GABRD: variants seen among roughly 807,000 people sequenced by gnomAD.
GABRD encodes the protein gamma-aminobutyric acid receptor subunit delta.
GABRD carries 25 observed loss-of-function variants against 47.3 expected under a neutral mutation model. That is an observed-to-expected ratio of 0.53 (90% CI 0.39 to 0.74). The LOEUF is 0.74. Ranked by LOEUF, GABRD falls within the 30% of genes least tolerant of loss-of-function variation. The probability of loss-of-function intolerance (pLI) is 0.00; values close to 1 mark genes in which losing one functional copy is unlikely to be tolerated. For missense variants in GABRD, 497 were observed against 643.4 expected (o/e 0.77, Z 2.46); for synonymous variants, 314 against 278.8 (o/e 1.13, Z -1.26).
chr1:2,026,371 G>A (rs756931490), intron 4 of GABRD, among the ~76,000 whole-genome samples: 23 of 152,264 alleles, frequency 1.5e-4, no homozygotes, highest in Admixed American at 4.6e-4. Context: ...GCCCACGGCA[G>A]GGGCGCGCCA....
chr1:2,027,162 C>T, intron 4 of GABRD: 1 of 328,190 alleles, frequency 3.0e-6, no homozygotes, highest in South Asian at 2.5e-5. Context: ...GACCCTGTCT[C>T]ATAAACAAAC....
At chr1:2,025,930 G>A (rs1201829478) in intron 4 of GABRD, 192 bp downstream of exon 4, 4 of 601,904 alleles carry the variant, frequency 6.6e-6, no homozygotes, top group Non-Finnish European at 1.2e-5. Flanking sequence ...CCGCTCCAAG[G>A]TCGCCGACAG....
chr1:2,029,560 C>T lies in GABRD; in HGVS notation c.857C>T (p.Thr286Met), dbSNP rs754466489. The change falls in exon 8 of 9, where the codon ACG becomes ATG. Residue 286 changes from threonine (T) to methionine (M), a missense_variant. Physicochemically the swap from Thr to Met is moderately conservative, Grantham distance 81. This residue lies in a region of GABRD where 285 missense variants were observed against 436.6 expected (regional missense o/e 0.65). Transcript: ENST00000378585. ...CACCTGTGCCCGGCAGGCATCACCACGGTGCTGACGATGACCACGCTCATG... is the reference window on the plus strand; with the variant it reads ...CACCTGTGCCCGGCAGGCATCACCATGGTGCTGACGATGACCACGCTCATG... ...VPARVSLGIT[T>M]VLTMTTLMVS... 1.9e-6 allele frequency: 3 copies of T among 1,612,748 alleles called. No homozygotes were observed. The highest frequency in any genetic ancestry group is 1.3e-5 in the African/African-American group (1 of 75,060).
chr1:2,027,363 G>T (rs1288992692), intron 4 of GABRD: 4 of 604,228 alleles, frequency 6.6e-6, no homozygotes, highest in Non-Finnish European at 1.2e-5. Flanking sequence ...TGAAGAGAAT[G>T]AATGAAATCC....
At chr1:2,026,321 C>T (rs1377210914) in intron 4 of GABRD, among the ~76,000 whole-genome samples, 5 of 152,242 alleles carry the variant, frequency 3.3e-5, no homozygotes, top group African/African-American at 1.2e-4. Flanking sequence ...CAGTGGAAGC[C>T]GGAGTCAGGG....
chr1:2,019,847 G>A (rs929731424), intron 1 of GABRD, among the ~76,000 whole-genome samples: 2 of 152,196 alleles, frequency 1.3e-5, no homozygotes, highest in South Asian at 2.1e-4. Flanking sequence ...GTCCCTGCCC[G>A]GCGGGTGCCT....
chr1:2,027,902 A>T (rs919458388), intron 5 of GABRD: 2 of 616,552 alleles, frequency 3.2e-6, no homozygotes, highest in Non-Finnish European at 5.7e-6. Flanking sequence ...ACGGATTGAT[A>T]TTGTTGAGCC....
rs1420010820 is a variant in GABRD, at chr1:2,025,674, G to A, written c.406G>A (p.Asp136Asn). The change falls in exon 4 of 9, where the codon GAC becomes AAC. Residue 136 changes from aspartate to asparagine, a missense_variant. Asp to Asn is a conservative substitution (Grantham distance 23, BLOSUM62 1). Around this residue, in one of 3 missense-constraint regions of GABRD, gnomAD observed 285 missense variants for 436.6 expected, o/e 0.65. Transcript: ENST00000378585. ...IVNAKSAWFH[D>N]VTVENKLIRL... The stretch of plus-strand genomic sequence containing the variant: ...GAACGCCAAGTCGGCCTGGTTCCAC[G>A]ACGTGACGGTGGAGAACAAGCTCAT... 1.2e-6 allele frequency: 2 copies of A among 1,612,998 alleles called. No homozygotes were observed. Among genetic ancestry groups the A allele is most frequent in the South Asian group, 1.1e-5 (1 of 91,072 alleles).
In GABRD at chr1:2,025,865, G is replaced by A. The variant is rs369516333; in HGVS notation, c.470+127G>A. 69 of 745,588 alleles carry A rather than the reference G, an allele frequency of 9.3e-5. 1 individual carries two copies. The highest frequency in any genetic ancestry group is 3.4e-4 in the Admixed American group (13 of 38,784). The allele number at this position is 745,588 out of a possible 1,614,324, so 46.2% of individuals were successfully genotyped here. A position where few individuals can be genotyped will look rare whatever the true frequency, so the allele number is the denominator to read the frequency against. ...GCCGGGAGCTGGCGGGCGGGCGGAG[G>A]GGGGGGCAGAAGCTGCGCGGTTATT... is the stretch of plus-strand genomic sequence containing the variant. On this transcript the variant is annotated intron_variant, in intron 4 of 8. Coordinates refer to ENST00000378585, the MANE Select transcript of GABRD (RefSeq NM_000815.5).
At chr1:2,027,495 G>A (rs1658957884) in intron 4 of GABRD, 82 bp from the exon 5 acceptor site, 1 of 1,089,366 alleles carries the variant, frequency 9.2e-7, no homozygotes. Flanking sequence ...GTGCTCAGGG[G>A]GCATCTCTGC....
Position 2,025,317 on chromosome 1 carries a change from C to T in GABRD, c.182-17C>T. 6.2e-7 allele frequency: 1 copy of T among 1,613,116 alleles called. No homozygotes were observed. Among genetic ancestry groups the T allele is most frequent in the Non-Finnish European group, 8.5e-7 (1 of 1,179,932 alleles). On this transcript the variant is annotated splice_polypyrimidine_tract_variant and intron_variant, in intron 2 of 8. Coordinates refer to ENST00000378585, the MANE Select transcript of GABRD (RefSeq NM_000815.5). ...GGGCCGGCCTCAGTCCTTCTTAGTT[C>T]TGCTCTTTCCTTGCAGGCCCCCCCG...
Position 2,025,396 on chromosome 1 carries a change from A to G in GABRD, c.244A>G (p.Asn82Asp), listed in dbSNP as rs770620492. The change falls in exon 3 of 9, where the codon AAC becomes GAC. Residue 82 changes from asparagine (N) to aspartate (D), a missense_variant. Asn to Asp is a conservative substitution (Grantham distance 23). Transcript: ENST00000378585. Reference protein sequence around the residue: ...VASIDHISEANMEYTMTVFLH... With the variant: ...VASIDHISEADMEYTMTVFLH... ...CAGCATCGACCACATCTCAGAGGCC[A>G]ACATGGTAGGTGCCACCAGCCTCTG... 17 of 1,612,824 alleles carry G rather than the reference A, an allele frequency of 1.1e-5. No homozygotes were observed. Among genetic ancestry groups the G allele is most frequent in the Non-Finnish European group, 1.4e-5 (16 of 1,179,986 alleles).
At chr1:2,025,883 C>T (rs563519166) in intron 4 of GABRD, 145 bp downstream of exon 4, 71 of 665,148 alleles carry the variant, frequency 1.1e-4, no homozygotes, top group African/African-American at 6.0e-4. Context: ...AGAAGCTGCG[C>T]GGTTATTTAT....
Position 2,030,616 on chromosome 1 carries a change from C to T in GABRD, c.*334C>T, listed in dbSNP as rs1330140528. 1 of 237,902 alleles carries T rather than the reference C, an allele frequency of 4.2e-6. No individual in the cohort carries two copies. Among genetic ancestry groups the T allele is most frequent in the African/African-American group, 2.3e-5 (1 of 44,388 alleles). The allele number at this position is 237,902 out of a possible 1,614,324, so 14.7% of individuals were successfully genotyped here. A position where few individuals can be genotyped will look rare whatever the true frequency, so the allele number is the denominator to read the frequency against. Reference sequence around the variant, plus strand: ...CAGAAAGTGATCCTGGTTTCTAGGTCTTTGCTCTGCAGGATCGGGATCAGA... The same window carrying T: ...CAGAAAGTGATCCTGGTTTCTAGGTTTTTGCTCTGCAGGATCGGGATCAGA... On this transcript the variant is annotated 3_prime_UTR_variant, in exon 9 of 9. Coordinates refer to ENST00000378585, the MANE Select transcript of GABRD (RefSeq NM_000815.5).
rs1659007335 is a variant in GABRD, at chr1:2,028,952, T to G, written c.692-159T>G. 1.2e-5 allele frequency: 11 copies of G among 896,746 alleles called. No homozygotes were observed. Among genetic ancestry groups the G allele is most frequent in the Non-Finnish European group, 1.8e-5 (11 of 602,592 alleles). The allele number at this position is 896,746 out of a possible 1,614,324, so 55.5% of individuals were successfully genotyped here. A position where few individuals can be genotyped will look rare whatever the true frequency, so the allele number is the denominator to read the frequency against. ...GCCAGACCTAGGGCCGGAGGCCCCC[T>G]GACATTTCAGGCCATGTGGTTGGTG... On this transcript the variant is annotated intron_variant, in intron 6 of 8. Coordinates refer to ENST00000378585, the MANE Select transcript of GABRD (RefSeq NM_000815.5). This position sits in a 1 kb window ranked among gnomAD's most constrained non-coding sequence, Gnocchi z 6.4.
chr1:2,023,349 G>A (rs1658832710), intron 1 of GABRD, among the ~76,000 whole-genome samples: 1 of 151,948 alleles, frequency 6.6e-6, no homozygotes. Flanking sequence ...TGGGGCTGGT[G>A]GCCCGGCCTC....
chr1:2,025,939 A>G (rs1052788255), intron 4 of GABRD: 3 of 598,720 alleles, frequency 5.0e-6, no homozygotes, highest in South Asian at 4.0e-5. Context: ...GGTCGCCGAC[A>G]GGAAGCCGGC....
At chr1:2,027,526 G>A (rs776563999) in intron 4 of GABRD, 51 bp from the exon 5 acceptor site, 35 of 1,498,222 alleles carry the variant, frequency 2.3e-5, no homozygotes, top group South Asian at 1.4e-4. Context: ...CCAGGCTTTC[G>A]GGAGGGCTGG....
rs1044475740 is a variant in GABRD, at chr1:2,028,400, G to A, written c.691+108G>A. On this transcript the variant is annotated intron_variant, in intron 6 of 8. Coordinates refer to ENST00000378585, the MANE Select transcript of GABRD (RefSeq NM_000815.5). This position sits in a 1 kb window ranked among gnomAD's most constrained non-coding sequence, Gnocchi z 6.4. Reference sequence around the variant, plus strand: ...GCCCCTTCCGCGTGCGCCCGCCTGTGGTTTTCATGCTTTTTAGTCAAGCGC... The same window carrying A: ...GCCCCTTCCGCGTGCGCCCGCCTGTAGTTTTCATGCTTTTTAGTCAAGCGC... The A allele has an allele frequency of 2.5e-6, 3 of 1,223,862 alleles. No homozygotes were observed. The highest frequency in any genetic ancestry group is 3.1e-6 in the Non-Finnish European group (3 of 955,498). 75.8% of individuals were successfully genotyped at this position (1,223,862 alleles called of 1,614,324 possible).
Sources: allele counts gnomAD v4.1 joint callset (sites outside exome capture counted in the v4.1 genomes callset), GRCh38; gene constraint gnomAD v4.1.1; regional missense constraint gnomAD v4.1.1; non-coding constraint Gnocchi (gnomAD v3.1); transcripts MANE v1.5; gene names NCBI Gene and HGNC (gene_info 2026-07-23, HGNC 2026-07-21).